TMEM135: variants seen among roughly 807,000 people sequenced by gnomAD.
TMEM135 encodes transmembrane protein 135, also known as peroxisomal membrane protein 52.
Under a neutral mutation model 60.3 loss-of-function variants are expected in TMEM135, and 30 were observed. The observed-to-expected ratio is 0.50, with a 90% CI of 0.37 to 0.68. The LOEUF is 0.68. Among genes scored for constraint, TMEM135 ranks in the 30% least tolerant of loss-of-function variants. The pLI, the probability that TMEM135 is intolerant of heterozygous loss-of-function variation, is 0.00. For synonymous variants in TMEM135, 190 were observed against 186.7 expected (o/e 1.02, Z -0.14); for missense variants, 468 against 548.8 (o/e 0.85, Z 1.47).
At chr11:87,190,420 T>G (rs1939771703) in intron 5 of TMEM135, among the ~76,000 whole-genome samples, 1 of 152,202 alleles carries the variant, frequency 6.6e-6, no homozygotes, top group Non-Finnish European at 1.5e-5. Context: ...AAACTTTTTC[T>G]TAGTTTTTTT....
intron 7 of TMEM135, among the ~76,000 whole-genome samples, chr11:87,300,425 G>T (rs75811748): frequency 0.028 from 4,242 of 152,272 alleles, 71 homozygotes; most frequent in Admixed American, 0.044. Context: ...ATGTAGCTTA[G>T]TGTTTAAGAA....
At chr11:87,135,480 T>G (rs1434777219) in intron 4 of TMEM135, among the ~76,000 whole-genome samples, 1 of 138,356 alleles carries the variant, frequency 7.2e-6, no homozygotes, top group Non-Finnish European at 1.5e-5. Context: ...GCACCATTTA[T>G]TGAAGAGTTC....
At chr11:87,177,865 A>G (rs1182523904) in intron 5 of TMEM135, among the ~76,000 whole-genome samples, 1 of 152,150 alleles carries the variant, frequency 6.6e-6, no homozygotes, top group Admixed American at 6.6e-5. Flanking sequence ...AGATTCCCAA[A>G]TGTATAGGTT....
intron 3 of TMEM135, among the ~76,000 whole-genome samples, chr11:87,089,354 C>G (rs57098581): frequency 6.6e-6 from 1 of 151,890 alleles, no homozygotes; most frequent in African/African-American, 2.4e-5. Flanking sequence ...GACAGCATAG[C>G]GAGACTGTGT....
intron 5 of TMEM135, among the ~76,000 whole-genome samples, chr11:87,195,070 T>C (rs1203346051): frequency 6.6e-6 from 1 of 152,150 alleles, no homozygotes; most frequent in African/African-American, 2.4e-5. Context: ...TTAGTCTTCT[T>C]TATGTGTTAT....
intron 4 of TMEM135, among the ~76,000 whole-genome samples, chr11:87,099,949 G>A (rs1857418444): frequency 6.6e-6 from 1 of 151,938 alleles, no homozygotes; most frequent in Non-Finnish European, 1.5e-5. Flanking sequence ...CCAAAGTGCT[G>A]GGATTACAGG....
intron 6 of TMEM135, among the ~76,000 whole-genome samples, chr11:87,240,973 C>T (rs1264576998): frequency 1.3e-5 from 2 of 152,126 alleles, no homozygotes; most frequent in Non-Finnish European, 2.9e-5. Context: ...CAACATTGTG[C>T]AGCATGGCAG....
chr11:87,108,626 A>G (rs1262867171), intron 4 of TMEM135, among the ~76,000 whole-genome samples: 1 of 152,112 alleles, frequency 6.6e-6, no homozygotes, highest in Non-Finnish European at 1.5e-5. Flanking sequence ...AAGGTGTAAC[A>G]TTAGATTTGT....
At chr11:87,120,345 A>AT (rs1477974453) in intron 4 of TMEM135, among the ~76,000 whole-genome samples, 1 of 151,210 alleles carries the variant, frequency 6.6e-6, no homozygotes, top group Non-Finnish European at 1.5e-5. Flanking sequence ...GACTTAAGTG[A>AT]TTCTCTCACT....
At chr11:87,168,041 G>T (rs890961227) in intron 5 of TMEM135, among the ~76,000 whole-genome samples, 1 of 151,842 alleles carries the variant, frequency 6.6e-6, no homozygotes, top group Non-Finnish European at 1.5e-5. Context: ...GTCTTGGGAG[G>T]GTGTATGTGT....
At position 87,174,566 on chromosome 11, in the gene TMEM135, T is replaced by A. The variant is rs1939322090; in HGVS notation, c.462+17160T>A. Among the ~76,000 whole-genome samples, 2 of 152,102 alleles carry A rather than the reference T, an allele frequency of 1.3e-5. 1 individual carries two copies. Among genetic ancestry groups the A allele is most frequent in the South Asian group, 4.1e-4 (2 of 4,828 alleles). On this transcript the variant is annotated intron_variant, in intron 5 of 14. Transcript: ENST00000305494. ...TTAAAAAGCATGTGGGGAGAATGGA[T>A]AGCATCTAGAGAAGAAGAGAGGAAA...
intron 6 of TMEM135, among the ~76,000 whole-genome samples, chr11:87,245,540 T>G (rs1045530002): frequency 2.1e-5 from 3 of 144,442 alleles, no homozygotes; most frequent in Non-Finnish European, 3.0e-5. Flanking sequence ...TGCTCCTGTA[T>G]TGGGTGCATA....
rs79917900 is a variant in TMEM135, at chr11:87,250,694, C to A, written c.509+14010C>A. Reference sequence around the variant, plus strand: ...CTTGTTTTGTGGCCAAATATATGGTCTTAGGTTCTTTTTAAAAAAATATTG... The same window carrying A: ...CTTGTTTTGTGGCCAAATATATGGTATTAGGTTCTTTTTAAAAAAATATTG... On this transcript the variant is annotated intron_variant, in intron 6 of 14. Transcript: ENST00000305494. 3.1e-3 allele frequency among the ~76,000 whole-genome samples: 467 copies of A among 152,148 alleles called. 23 individuals are homozygous for A. The East Asian group carries it at 0.077, about 25-fold the overall frequency.
intron 4 of TMEM135, among the ~76,000 whole-genome samples, chr11:87,120,521 G>A (rs968409969): frequency 6.8e-5 from 9 of 131,908 alleles, no homozygotes; most frequent in Non-Finnish European, 1.2e-4. Context: ...ACCCAGGCTG[G>A]ATTGCAGTGG....
At chr11:87,308,699 A>G (rs1942592207) in intron 9 of TMEM135, among the ~76,000 whole-genome samples, 1 of 152,186 alleles carries the variant, frequency 6.6e-6, no homozygotes, top group Admixed American at 6.5e-5. Context: ...ATGCTGATTG[A>G]AATTTTTCAG....
At chr11:87,235,769 A>T (rs547516946) in intron 5 of TMEM135, among the ~76,000 whole-genome samples, 1 of 152,028 alleles carries the variant, frequency 6.6e-6, no homozygotes, top group East Asian at 1.9e-4. Context: ...TTTTTGGTAT[A>T]ACTAAGACGT....
At chr11:87,157,191 C>T in intron 4 of TMEM135, 150 bp from the exon 5 acceptor site, 1 of 659,848 alleles carries the variant, frequency 1.5e-6, no homozygotes, top group South Asian at 1.8e-5. Flanking sequence ...GTAGCTAGGA[C>T]TATAGGCATA....
At chr11:87,293,204 A>C in intron 6 of TMEM135, among the ~76,000 whole-genome samples, 1 of 152,206 alleles carries the variant, frequency 6.6e-6, no homozygotes, top group East Asian at 1.9e-4. Flanking sequence ...TTTTGATGCT[A>C]TAATTTTCCC....
chr11:87,085,009 G>A (rs185026257), intron 3 of TMEM135, among the ~76,000 whole-genome samples: 1 of 152,242 alleles, frequency 6.6e-6, no homozygotes, highest in East Asian at 1.9e-4. Context: ...GTAAGGGAGT[G>A]GCCTATTTGT....
Sources: allele counts gnomAD v4.1 joint callset (sites outside exome capture counted in the v4.1 genomes callset), GRCh38; gene constraint gnomAD v4.1.1; transcripts MANE v1.5; gene names NCBI Gene and HGNC (gene_info 2026-07-23, HGNC 2026-07-21).